LRRC37A2: variants seen among roughly 807,000 people sequenced by gnomAD.
LRRC37A2 encodes the protein leucine-rich repeat-containing protein 37A2.
Under a neutral mutation model 68.8 loss-of-function variants are expected in LRRC37A2, and 9 were observed. That is an observed-to-expected ratio of 0.13 (90% confidence interval 0.08 to 0.23). LRRC37A2 has a LOEUF of 0.23. LRRC37A2 is among the 10% of genes least tolerant of loss of function. The pLI is 1.00. For synonymous variants in LRRC37A2, 63 were observed against 367.6 expected, an observed-to-expected ratio of 0.17 and a Z score of 9.48; for missense variants, 168 against 950.4, an observed-to-expected ratio of 0.18 and a Z score of 10.82.
the LRRC37A2 span, among the ~76,000 whole-genome samples, chr17:46,785,626 G>T: frequency 6.6e-6 from 1 of 152,222 alleles, no homozygotes; most frequent in Non-Finnish European, 1.5e-5. Flanking sequence ...GGGCCACGAG[G>T]GGCCTTCCGA....
chr17:46,969,912 C>T, the LRRC37A2 span, among the ~76,000 whole-genome samples: 2 of 152,140 alleles, frequency 1.3e-5, no homozygotes, highest in African/African-American at 4.8e-5. Context: ...TCCCTCAACT[C>T]CCACCTCTGC....
the LRRC37A2 span, among the ~76,000 whole-genome samples, chr17:46,943,109 C>T: frequency 3.3e-5 from 5 of 152,192 alleles, no homozygotes; most frequent in African/African-American, 9.7e-5. Context: ...GGGTAGGGAG[C>T]CGATGGCTCT....
At chr17:46,467,883 CTT>C in the LRRC37A2 span, among the ~76,000 whole-genome samples, 2 of 98,562 alleles carry the variant, frequency 2.0e-5, 1 homozygote, top group Non-Finnish European at 4.5e-5. Flanking sequence ...TGGAGAAAGA[CTT>C]TGCAGATGTT....
chr17:46,777,516 A>G, the LRRC37A2 span, among the ~76,000 whole-genome samples: 1 of 152,264 alleles, frequency 6.6e-6, no homozygotes, highest in Non-Finnish European at 1.5e-5. Context: ...AGACATCTCC[A>G]GGAAGAAGGT....
the LRRC37A2 span, among the ~76,000 whole-genome samples, chr17:46,749,392 A>G: frequency 1.3e-5 from 2 of 152,234 alleles, no homozygotes; most frequent in African/African-American, 2.4e-5. Context: ...TTGTAAAGCC[A>G]GCGCCACATA....
intron 11 of LRRC37A2, 90 bp from the exon 11 acceptor site, chr17:46,553,310 A>G (rs2056995738): frequency 6.2e-7 from 1 of 1,600,340 alleles, no homozygotes; most frequent in African/African-American, 1.4e-5. Flanking sequence ...CAGGTAGATG[A>G]GACTTATAAT....
At chr17:47,010,940 T>C in the LRRC37A2 span, among the ~76,000 whole-genome samples, 1 of 152,182 alleles carries the variant, frequency 6.6e-6, no homozygotes, top group Admixed American at 6.5e-5. Flanking sequence ...TTGTTGTTTG[T>C]CCGAAATTCT....
chr17:46,845,785 CTTTTTT>C, the LRRC37A2 span, among the ~76,000 whole-genome samples: 1 of 86,774 alleles, frequency 1.2e-5, no homozygotes. Context: ...ACTGTGCTGG[CTTTTTT>C]TTTTTTTTTT....
At chr17:46,953,660 G>A in the LRRC37A2 span, among the ~76,000 whole-genome samples, 8 of 152,134 alleles carry the variant, frequency 5.3e-5, no homozygotes, top group East Asian at 7.7e-4. Flanking sequence ...TTACAGTCCC[G>A]CCAACAGTGT....
chr17:46,980,959 C>G, the LRRC37A2 span, among the ~76,000 whole-genome samples: 1 of 152,190 alleles, frequency 6.6e-6, no homozygotes, highest in Non-Finnish European at 1.5e-5. Flanking sequence ...CTCCCCACCC[C>G]CAACATTGTT....
chr17:46,998,535 C>T, the LRRC37A2 span, among the ~76,000 whole-genome samples: 2 of 152,212 alleles, frequency 1.3e-5, no homozygotes, highest in African/African-American at 4.8e-5. Flanking sequence ...AAGCCCAGAG[C>T]TGTCGGCTTC....
the LRRC37A2 span, chr17:46,751,538 A>C: frequency 6.2e-7 from 1 of 1,614,082 alleles, no homozygotes; most frequent in African/African-American, 1.3e-5. Context: ...AACGCACCAC[A>C]ATTGCACAGC....
the LRRC37A2 span, among the ~76,000 whole-genome samples, chr17:46,977,346 G>C: frequency 1.3e-5 from 2 of 152,368 alleles, no homozygotes; most frequent in East Asian, 3.9e-4. Context: ...AACCGCTTGA[G>C]CGGGGTTGGC....
the LRRC37A2 span, among the ~76,000 whole-genome samples, chr17:46,398,505 T>C: frequency 1.7e-5 from 2 of 119,342 alleles, no homozygotes; most frequent in South Asian, 7.2e-4. Flanking sequence ...TGGTAACCAC[T>C]GTTAACAGTT....
the LRRC37A2 span, among the ~76,000 whole-genome samples, chr17:46,832,541 G>A: frequency 2.0e-5 from 3 of 151,780 alleles, no homozygotes; most frequent in Non-Finnish European, 2.9e-5. Context: ...GAGAAAGCCC[G>A]GGCCATAAAG....
the LRRC37A2 span, among the ~76,000 whole-genome samples, chr17:46,727,290 C>T: frequency 1.3e-5 from 2 of 152,072 alleles, no homozygotes; most frequent in African/African-American, 4.8e-5. Flanking sequence ...AAATAAACTG[C>T]AAGGAAGGGC....
the LRRC37A2 span, among the ~76,000 whole-genome samples, chr17:46,849,142 G>T: frequency 3.3e-5 from 5 of 152,362 alleles, no homozygotes; most frequent in East Asian, 9.6e-4. Flanking sequence ...GGGAACCCAA[G>T]GGTGGGGCCA....
chr17:46,798,194 G>A, the LRRC37A2 span, among the ~76,000 whole-genome samples: 1 of 152,220 alleles, frequency 6.6e-6, no homozygotes, highest in Admixed American at 6.5e-5. Context: ...CTCCCGAAGT[G>A]CTGGGATCAC....
At chr17:46,794,089 G>C in the LRRC37A2 span, among the ~76,000 whole-genome samples, 4 of 152,256 alleles carry the variant, frequency 2.6e-5, no homozygotes, top group Admixed American at 6.5e-5. Flanking sequence ...GGTTAGCAAG[G>C]GGACAGCCAG....
Sources: allele counts gnomAD v4.1 joint callset (sites outside exome capture counted in the v4.1 genomes callset), GRCh38; gene constraint gnomAD v4.1.1; transcripts MANE v1.5; gene names NCBI Gene and HGNC (gene_info 2026-07-23, HGNC 2026-07-21).